Variants in MYH15 observed in about 807,000 individuals in gnomAD.
MYH15 encodes myosin-15.
MYH15 carries 227 observed loss-of-function variants against 240.5 expected under a neutral mutation model. That is an observed-to-expected ratio of 0.94 (90% CI 0.85 to 1.05). The LOEUF is 1.05. MYH15 is among the 50% of genes least tolerant of loss of function. The probability of loss-of-function intolerance (pLI) is 0.00; values close to 1 mark genes in which losing one functional copy is unlikely to be tolerated. For synonymous variants in MYH15, 785 were observed against 796.7 expected, an observed-to-expected ratio of 0.99 and a Z score of 0.25; for missense variants, 2,217 against 2,247.5, an observed-to-expected ratio of 0.99 and a Z score of 0.27.
chr3:108,531,795 A>AATAAATAAATAC (rs1553690576), upstream of MYH15, among the ~76,000 whole-genome samples: 17 of 151,260 alleles, frequency 1.1e-4, no homozygotes, highest in East Asian at 1.9e-4. Flanking sequence ...TAAATAAATA[A>AATAAATAAATAC]ATAAATAAAT....
At position 108,399,144 on chromosome 3, in the gene MYH15, C is replaced by A. The variant is rs1286628474; in HGVS notation, c.4860G>T (p.Gln1620His). 1.2e-6 allele frequency: 2 copies of A among 1,614,228 alleles called. No homozygotes were observed. The highest frequency in any genetic ancestry group is 1.7e-6 in the Non-Finnish European group (2 of 1,180,028). The change falls in exon 34 of 41, where the codon CAG (glutamine) becomes CAT (histidine). Residue 1620 changes from glutamine (Q) to histidine (H), a missense_variant. By Grantham distance (24) the Gln-to-His change is conservative (BLOSUM62 0). Coordinates refer to ENST00000693548, the MANE Select transcript of MYH15 (RefSeq NM_014981.3). ...MEEDLNEMELQLSCANRQVSE... is the reference protein window; with the variant it reads ...MEEDLNEMELHLSCANRQVSE... Reference sequence around the variant, plus strand: ...ACACCTGCCGGTTGGCACAGCTAAGCTGGAGTTCCATCTCATTGAGGTCCT... The same window carrying A: ...ACACCTGCCGGTTGGCACAGCTAAGATGGAGTTCCATCTCATTGAGGTCCT...
At chr3:108,533,604 T>C (rs770524330), upstream of MYH15, among the ~76,000 whole-genome samples, 1 of 152,070 alleles carries the variant, frequency 6.6e-6, no homozygotes, top group Non-Finnish European at 1.5e-5. Flanking sequence ...TTTCAAAGTA[T>C]AGGGTAAGGT....
At chr3:108,519,627 A>G (rs2083601326) in intron 1 of MYH15, among the ~76,000 whole-genome samples, 1 of 152,232 alleles carries the variant, frequency 6.6e-6, no homozygotes, top group Non-Finnish European at 1.5e-5. Flanking sequence ...TTCAGAATTC[A>G]AGGCAAATAT....
chr3:108,391,819 C>T lies in MYH15; in HGVS notation c.5371G>A (p.Glu1791Lys). 6.2e-7 allele frequency: 1 copy of T among 1,614,126 alleles called. No individual in the cohort carries two copies. The highest frequency in any genetic ancestry group is 2.2e-5 in the East Asian group (1 of 44,884). Residue 1791 changes from glutamate (E) to lysine (K), a missense_variant, in exon 37 of 41, where the codon GAA becomes AAA. Coordinates refer to ENST00000693548, the MANE Select transcript of MYH15 (RefSeq NM_014981.3). ...CCCATCAGGGCCATCTGTTCAGCTT[C>T]AGCCAGCCTTTTCTGTAAGTCTGTA... ...TITDLQKRLA[E>K]AEQMALMGSR...
In MYH15 at chr3:108,499,517, T is replaced by C. The variant is rs772952602; in HGVS notation, c.497-35A>G. ...AAAGAAAAATGCCAGAATATTCTTATATTCGATATTTATGTATTAGTATGA... is the reference window on the plus strand; with the variant it reads ...AAAGAAAAATGCCAGAATATTCTTACATTCGATATTTATGTATTAGTATGA... On this transcript the variant is annotated intron_variant, in intron 4 of 40. Coordinates refer to ENST00000693548, the MANE Select transcript of MYH15 (RefSeq NM_014981.3). 3.8e-6 allele frequency: 6 copies of C among 1,597,930 alleles called. No homozygotes were observed. The East Asian group carries it at 1.1e-4, about 30-fold the overall frequency.
At chr3:108,514,347 T>C (rs141625666), upstream of MYH15, among the ~76,000 whole-genome samples, 304 of 152,302 alleles carry the variant, frequency 2.0e-3, no homozygotes, top group African/African-American at 6.3e-3. Flanking sequence ...AAATTAGCTA[T>C]TTTTATACTG....
At chr3:108,434,036 T>C (rs1338215124) in intron 25 of MYH15, among the ~76,000 whole-genome samples, 1 of 151,956 alleles carries the variant, frequency 6.6e-6, no homozygotes, top group Non-Finnish European at 1.5e-5. Context: ...TTTGCATGTA[T>C]AGATTAACAA....
intron 19 of MYH15, 115 bp from the exon 20 acceptor site, chr3:108,455,974 T>C (rs916129725): frequency 4.0e-6 from 4 of 1,011,126 alleles, no homozygotes; most frequent in East Asian, 2.5e-5. Flanking sequence ...GTTACTAATA[T>C]GTTCAATTTT....
intron 6 of MYH15, among the ~76,000 whole-genome samples, chr3:108,497,550 A>C (rs1343204479): frequency 2.0e-5 from 3 of 151,784 alleles, no homozygotes; most frequent in Non-Finnish European, 4.4e-5. Context: ...TTTTTTTTTT[A>C]ATAGGGAAGG....
intron 38 of MYH15, among the ~76,000 whole-genome samples, chr3:108,385,281 A>G (rs1313357846): frequency 1.3e-5 from 2 of 152,220 alleles, no homozygotes; most frequent in African/African-American, 4.8e-5. Flanking sequence ...TTGCTCCCCA[A>G]TCAAAACAAC....
intron 19 of MYH15, among the ~76,000 whole-genome samples, chr3:108,456,295 T>C (rs2083018978): frequency 6.6e-6 from 1 of 152,174 alleles, no homozygotes; most frequent in Admixed American, 6.5e-5. Flanking sequence ...CTTTTTACTC[T>C]ACCAAACTTT....
At chr3:108,399,049 T>C in intron 34 of MYH15, 26 bp downstream of exon 34, 1 of 1,603,258 alleles carries the variant, frequency 6.2e-7, no homozygotes, top group South Asian at 1.1e-5. Context: ...CACCCCTCCC[T>C]ACCCCATCTT....
intron 29 of MYH15, 75 bp from the exon 30 acceptor site, chr3:108,414,503 T>A (rs2082619370): frequency 1.5e-6 from 2 of 1,372,936 alleles, no homozygotes; most frequent in African/African-American, 1.5e-5. Flanking sequence ...AGCTAATTTT[T>A]TTTTTAGGTA....
At chr3:108,510,111 C>A (rs903160086) in intron 1 of MYH15, among the ~76,000 whole-genome samples, 5 of 152,142 alleles carry the variant, frequency 3.3e-5, no homozygotes, top group Non-Finnish European at 7.4e-5. Flanking sequence ...TCACTGATAA[C>A]TAAGAGGTTT....
chr3:108,541,644 G>A, the MYH15 span, among the ~76,000 whole-genome samples: 8 of 152,130 alleles, frequency 5.3e-5, no homozygotes, highest in African/African-American at 9.6e-5. Flanking sequence ...AACAAATATC[G>A]CTAGTGGGTT....
At chr3:108,475,134 T>G (rs2083209592) in intron 12 of MYH15, among the ~76,000 whole-genome samples, 1 of 152,218 alleles carries the variant, frequency 6.6e-6, no homozygotes, top group Non-Finnish European at 1.5e-5. Flanking sequence ...CTAGTCATCA[T>G]ATATAAGATG....
At chr3:108,432,766 G>C (rs2082789755) in intron 25 of MYH15, among the ~76,000 whole-genome samples, 1 of 152,184 alleles carries the variant, frequency 6.6e-6, no homozygotes, top group Non-Finnish European at 1.5e-5. Context: ...ACCTGGTATG[G>C]AGCCTACGAG....
intron 6 of MYH15, 130 bp downstream of exon 6, chr3:108,497,922 C>T (rs1424320358): frequency 3.0e-6 from 2 of 674,508 alleles, no homozygotes; most frequent in African/African-American, 3.6e-5. Context: ...TAAAAAAATA[C>T]TTTTCTATAA....
At chr3:108,514,310 C>A (rs908072800), upstream of MYH15, among the ~76,000 whole-genome samples, 3 of 152,210 alleles carry the variant, frequency 2.0e-5, no homozygotes, top group South Asian at 4.2e-4. Context: ...GCCTGTAGTT[C>A]TTTTAGAAAT....
Sources: allele counts gnomAD v4.1 joint callset (sites outside exome capture counted in the v4.1 genomes callset), GRCh38; gene constraint gnomAD v4.1.1; transcripts MANE v1.5; gene names NCBI Gene and HGNC (gene_info 2026-07-23, HGNC 2026-07-21).